PARD3: variants seen among roughly 807,000 people sequenced by gnomAD.
PARD3 encodes par-3 family cell polarity regulator.
PARD3 carries 75 observed loss-of-function variants against 155.4 expected under a neutral mutation model. That is an observed-to-expected ratio of 0.48 (90% CI 0.40 to 0.58). PARD3 has a LOEUF of 0.58. Ranked by LOEUF, PARD3 falls within the 20% of genes least tolerant of loss-of-function variation. The pLI is 0.00. For synonymous variants in PARD3, 576 were observed against 610.5 expected, an observed-to-expected ratio of 0.94 and a Z score of 0.83; for missense variants, 1,642 against 1,721.7, an observed-to-expected ratio of 0.95 and a Z score of 0.82.
intron 22 of PARD3, among the ~76,000 whole-genome samples, chr10:34,140,939 T>C (rs1459281607): frequency 1.3e-5 from 2 of 152,222 alleles, no homozygotes; most frequent in Non-Finnish European, 2.9e-5. Flanking sequence ...CCTTCTTTAA[T>C]CTTACCACTT....
intron 1 of PARD3, among the ~76,000 whole-genome samples, chr10:34,778,708 C>T (rs1045498631): frequency 6.6e-6 from 1 of 152,106 alleles, no homozygotes; most frequent in Non-Finnish European, 1.5e-5. Flanking sequence ...TTATGAATTA[C>T]ATGACTAAGA....
chr10:34,177,238 A>C (rs1456226662), intron 22 of PARD3, among the ~76,000 whole-genome samples: 1 of 152,218 alleles, frequency 6.6e-6, no homozygotes, highest in Non-Finnish European at 1.5e-5. Context: ...ACCATAGCCC[A>C]GCAGATGTGG....
intron 1 of PARD3, among the ~76,000 whole-genome samples, chr10:34,712,998 C>A (rs2094469176): frequency 6.6e-6 from 1 of 152,152 alleles, no homozygotes; most frequent in Non-Finnish European, 1.5e-5. Flanking sequence ...CGCTTTAAGT[C>A]AGGAGCTCGA....
At chr10:34,344,373 C>A in intron 15 of PARD3, 1 of 783,176 alleles carries the variant, frequency 1.3e-6, no homozygotes, top group Non-Finnish European at 1.5e-6. Context: ...AGCTCTGCCT[C>A]CTGGGTTTAA....
At chr10:34,769,108 C>T (rs1304313876) in intron 1 of PARD3, among the ~76,000 whole-genome samples, 1 of 152,198 alleles carries the variant, frequency 6.6e-6, no homozygotes, top group African/African-American at 2.4e-5. Context: ...AAACCTTCAC[C>T]CTCCACATAA....
intron 22 of PARD3, among the ~76,000 whole-genome samples, chr10:34,136,517 G>A (rs753500788): frequency 6.6e-6 from 1 of 152,102 alleles, no homozygotes; most frequent in Admixed American, 6.5e-5. Context: ...AAGTAAGGTG[G>A]TCTCGGTATA....
At chr10:34,782,567 G>T (rs923899862) in intron 1 of PARD3, among the ~76,000 whole-genome samples, 1 of 152,088 alleles carries the variant, frequency 6.6e-6, no homozygotes, top group East Asian at 1.9e-4. Context: ...TTGGCTGATC[G>T]AAAGACTTAA....
At chr10:34,490,956 T>C (rs897542140) in intron 3 of PARD3, among the ~76,000 whole-genome samples, 1 of 152,188 alleles carries the variant, frequency 6.6e-6, no homozygotes, top group Non-Finnish European at 1.5e-5. Flanking sequence ...CATTGTAACA[T>C]GCAGCCAAGA....
chr10:34,701,729 T>C (rs1321872424), intron 1 of PARD3, among the ~76,000 whole-genome samples: 1 of 152,082 alleles, frequency 6.6e-6, no homozygotes, highest in Non-Finnish European at 1.5e-5. Flanking sequence ...GCCCCATCTC[T>C]ACAAAAAAAC....
intron 3 of PARD3, among the ~76,000 whole-genome samples, chr10:34,472,542 T>C (rs1187025116): frequency 6.6e-6 from 1 of 152,150 alleles, no homozygotes; most frequent in Admixed American, 6.5e-5. Context: ...TTTTAGACAA[T>C]GTTATTACTT....
chr10:34,240,372 A>G (rs1358528421), intron 22 of PARD3, among the ~76,000 whole-genome samples: 1 of 152,228 alleles, frequency 6.6e-6, no homozygotes, highest in Non-Finnish European at 1.5e-5. Flanking sequence ...AATATTAAAA[A>G]TTATTGTTTT....
intron 1 of PARD3, among the ~76,000 whole-genome samples, chr10:34,698,119 G>A (rs1022441203): frequency 4.6e-5 from 7 of 151,888 alleles, no homozygotes; most frequent in Non-Finnish European, 8.8e-5. Flanking sequence ...ATCAACTTTC[G>A]TTTCTAAAAT....
At chr10:34,128,791 A>G (rs1181494581) in intron 23 of PARD3, among the ~76,000 whole-genome samples, 1 of 152,180 alleles carries the variant, frequency 6.6e-6, no homozygotes, top group Non-Finnish European at 1.5e-5. Flanking sequence ...GGGTTTCAGG[A>G]CCAAAAAGGA....
chr10:34,403,586 T>C (rs570802402), intron 5 of PARD3, among the ~76,000 whole-genome samples: 41 of 152,326 alleles, frequency 2.7e-4, no homozygotes, highest in African/African-American at 8.7e-4. Flanking sequence ...CAAACTTTTC[T>C]GTGAGTCGTA....
chr10:34,741,174 A>ATTTTTTTTTTTTTTT lies in PARD3; in HGVS notation c.121-44770_121-44756dup, dbSNP rs71033345. Among the ~76,000 whole-genome samples, 416 of 114,288 alleles carry ATTTTTTTTTTTTTTT rather than the reference A, an allele frequency of 3.6e-3. 3 individuals are homozygous for ATTTTTTTTTTTTTTT. Among genetic ancestry groups the ATTTTTTTTTTTTTTT allele is most frequent in the East Asian group, 0.011 (37 of 3,416 alleles). The allele number at this position is 114,288 out of a possible 152,430, so 75.0% of individuals were successfully genotyped here. A position where few individuals can be genotyped will look rare whatever the true frequency, so the allele number is the denominator to read the frequency against. Reference sequence around the variant, plus strand: ...CAACTGCTGTGTTTTCGTAAACCAAATTTTTTTTTTTTTTTTTTTTGTTTG... The same window carrying ATTTTTTTTTTTTTTT: ...CAACTGCTGTGTTTTCGTAAACCAAATTTTTTTTTTTTTTTTTTTTTTTTTTTTTTTTTTTGTTTG... On this transcript the variant is annotated intron_variant, in intron 1 of 24. Transcript: ENST00000374788.
At chr10:34,789,478 G>A (rs749561899) in intron 1 of PARD3, among the ~76,000 whole-genome samples, 8 of 151,978 alleles carry the variant, frequency 5.3e-5, no homozygotes, top group African/African-American at 1.7e-4. Flanking sequence ...CAGGAGGATC[G>A]TCTGAGGCCA....
rs1441463673 is a variant in PARD3 at position 34,382,837 on chromosome 10, G to T, written c.1102C>A (p.Gln368Lys). ...TTGTTCTTCTCACTTTGGGATAGTT[G>T]TTCATACTGCTCTTTATTTGCTGCA... is the stretch of plus-strand genomic sequence containing the variant. ...VPAANKEQYEQLSQSEKNNYY... is the reference protein window; with the variant it reads ...VPAANKEQYEKLSQSEKNNYY... Residue 368 changes from glutamine to lysine, a missense_variant, in exon 9 of 25, where the codon CAA becomes AAA. Around this residue, in one of 3 missense-constraint regions of PARD3, gnomAD observed 1,529 missense variants for 1,587.3 expected, o/e 0.96. Transcript: ENST00000374788. 3.7e-6 allele frequency: 6 copies of T among 1,614,022 alleles called. No homozygotes were observed. The highest frequency in any genetic ancestry group is 4.2e-6 in the Non-Finnish European group (5 of 1,180,024).
At chr10:34,185,846 T>TTA (rs1394683778) in intron 22 of PARD3, among the ~76,000 whole-genome samples, 45 of 142,388 alleles carry the variant, frequency 3.2e-4, no homozygotes, top group African/African-American at 1.3e-3. Flanking sequence ...TTATATTATA[T>TTA]TATATTATAT....
intron 23 of PARD3, among the ~76,000 whole-genome samples, chr10:34,124,613 G>A (rs1302493420): frequency 6.6e-6 from 1 of 152,188 alleles, no homozygotes; most frequent in East Asian, 1.9e-4. Context: ...ACTATTGACT[G>A]AACTCTTGTG....
Sources: allele counts gnomAD v4.1 joint callset (sites outside exome capture counted in the v4.1 genomes callset), GRCh38; gene constraint gnomAD v4.1.1; regional missense constraint gnomAD v4.1.1; transcripts MANE v1.5; gene names NCBI Gene and HGNC (gene_info 2026-07-23, HGNC 2026-07-21).